Variants in DDHD2 observed in about 807,000 individuals in gnomAD.
The protein encoded by DDHD2 is triacylglycerol hydrolase DDHD2.
A neutral mutation model predicts 91.2 loss-of-function variants in DDHD2; 62 were observed. The ratio of observed to expected loss-of-function variants is 0.68; its 90% CI spans 0.55 to 0.84. The LOEUF (loss-of-function observed/expected upper bound fraction) is 0.84, where lower values mean the gene tolerates loss of function less well. DDHD2 is among the 40% of genes least tolerant of loss of function. The pLI is 0.00. For synonymous variants in DDHD2, 271 were observed against 293.9 expected (o/e 0.92, Z 0.80); for missense variants, 740 against 846.9 (o/e 0.87, Z 1.57).
At chr8:38,255,278 C>A in intron 16 of DDHD2, 1 of 426,622 alleles carries the variant, frequency 2.3e-6, no homozygotes, top group Non-Finnish European at 4.5e-6. Flanking sequence ...TCATCTGATG[C>A]AATCACTATC....
At position 38,260,946 on chromosome 8, in the gene DDHD2, T is replaced by G. The variant is rs931929456; in HGVS notation, c.*373T>G. The G allele has an allele frequency of 6.6e-6, 1 of 152,220 alleles. No homozygotes were observed. The highest frequency in any genetic ancestry group is 1.5e-5 in the Non-Finnish European group (1 of 68,040). The allele number at this position is 152,220 out of a possible 1,614,324, so 9.4% of individuals were successfully genotyped here. On this transcript the variant is annotated 3_prime_UTR_variant, in exon 18 of 18. Transcript: ENST00000397166. ...GTTTTGGGTGGGGTAGACATGTTTT[T>G]AAGGAACTTATTGCTTATCTTTAGA...
At chr8:38,243,949 A>G (rs1805433837) in intron 7 of DDHD2, among the ~76,000 whole-genome samples, 1 of 151,216 alleles carries the variant, frequency 6.6e-6, no homozygotes, top group Admixed American at 6.6e-5. Context: ...GATTACAGGC[A>G]TGCGCCACCA....
chr8:38,256,244 A>T (rs1449898053), intron 16 of DDHD2, among the ~76,000 whole-genome samples: 1 of 152,104 alleles, frequency 6.6e-6, no homozygotes, highest in Non-Finnish European at 1.5e-5. Context: ...TAGTTTGCTT[A>T]TGACTTGTAT....
At chr8:38,247,669 C>A in intron 9 of DDHD2, 44 bp from the exon 10 acceptor site, 1 of 1,304,994 alleles carries the variant, frequency 7.7e-7, no homozygotes, top group Non-Finnish European at 1.0e-6. Flanking sequence ...TTAAAGGAAA[C>A]TAAATGAATT....
chr8:38,267,296 C>G (rs1330506362), downstream of DDHD2: 1 of 1,613,884 alleles, frequency 6.2e-7, no homozygotes, highest in African/African-American at 1.3e-5. Context: ...GAAGCTCTTT[C>G]GGCCCTCATT....
At chr8:38,264,640 T>C, downstream of DDHD2, 1 of 1,549,944 alleles carries the variant, frequency 6.5e-7, no homozygotes, top group Admixed American at 2.0e-5. Context: ...CTCTTAATAT[T>C]AGGCTCCTAA....
downstream of DDHD2, chr8:38,264,209 G>A (rs535961997): frequency 4.7e-4 from 439 of 928,114 alleles, 2 homozygotes; most frequent in Middle Eastern, 1.3e-3. Flanking sequence ...GTGCAGTGGT[G>A]CGATCTCGGC....
intron 1 of DDHD2, chr8:38,270,542 TA>T (rs1452789011): frequency 6.6e-6 from 1 of 152,198 alleles, no homozygotes; most frequent in African/African-American, 2.4e-5. Flanking sequence ...ACAAATGAGA[TA>T]AAATAATGAC....
At chr8:38,271,538 T>C (rs1345280904), downstream of DDHD2, 1 of 152,182 alleles carries the variant, frequency 6.6e-6, no homozygotes, top group African/African-American at 2.4e-5. Context: ...GCTGTCTAAT[T>C]ATAGTATTCC....
chr8:38,268,612 G>A, intron 1 of DDHD2: 1 of 1,446,430 alleles, frequency 6.9e-7, no homozygotes, highest in South Asian at 1.5e-5. Flanking sequence ...CGCCACCAGT[G>A]AACAGCAGCG....
intron 10 of DDHD2, among the ~76,000 whole-genome samples, chr8:38,249,279 A>AT (rs974026221): frequency 3.3e-5 from 5 of 150,218 alleles, no homozygotes; most frequent in African/African-American, 4.9e-5. Context: ...CGCCTGGCTA[A>AT]TTTTTTTTGT....
Position 38,254,494 on chromosome 8 carries a change from C to G in DDHD2, c.2054+776C>G, listed in dbSNP as rs550255999. Among the ~76,000 whole-genome samples the G allele has an allele frequency of 3.3e-5, 5 of 152,058 alleles. No individual in the cohort carries two copies. The East Asian group carries it at 5.8e-4, about 18-fold the overall frequency. Reference sequence around the variant, plus strand: ...CTCCTGGACTCAAGTGATCCTCCCCCCTCAGTCTCCCTAATAAGTAGGATG... The same window carrying G: ...CTCCTGGACTCAAGTGATCCTCCCCGCTCAGTCTCCCTAATAAGTAGGATG... On this transcript the variant is annotated intron_variant, in intron 16 of 17. Coordinates refer to ENST00000397166, the MANE Select transcript of DDHD2 (RefSeq NM_015214.3).
At chr8:38,236,444 TCC>T (rs1804759665) in intron 3 of DDHD2, among the ~76,000 whole-genome samples, 3 of 151,954 alleles carry the variant, frequency 2.0e-5, no homozygotes, top group Non-Finnish European at 4.4e-5. Flanking sequence ...AACCTCTGCA[TCC>T]TGGGTTCAAG....
intron 6 of DDHD2, among the ~76,000 whole-genome samples, chr8:38,240,987 C>A (rs920364894): frequency 1.3e-5 from 2 of 150,186 alleles, no homozygotes; most frequent in Non-Finnish European, 3.0e-5. Flanking sequence ...AAGAGAATCA[C>A]TTAAACTCGG....
Position 38,267,969 on chromosome 8 carries a change from C to G in DDHD2, n.88-3153C>G, listed in dbSNP as rs758822456. The G allele has an allele frequency of 3.1e-6, 5 of 1,613,938 alleles. No homozygotes were observed. The East Asian group carries it at 6.7e-5, about 22-fold the overall frequency. The stretch of plus-strand genomic sequence containing the variant: ...CAGGGCAAGGCTGGCAGCTGCAAAG[C>G]AAAGCCATTAGTTGAAAGGATCTGT... On this transcript the variant is annotated intron_variant and non_coding_transcript_variant, in intron 1 of 1. Transcript: ENST00000526071.
In DDHD2 at chr8:38,233,038, A is replaced by G. The variant is rs775728459; in HGVS notation, c.44A>G (p.Asp15Gly). The change falls in exon 2 of 18, where the codon GAT becomes GGT. Residue 15 changes from aspartate to glycine, a missense_variant. By Grantham distance (94) the Asp-to-Gly change is moderately conservative (BLOSUM62 -1). This residue lies in a region of DDHD2 where 693 missense variants were observed against 764.2 expected (regional missense o/e 0.91). Coordinates refer to ENST00000397166, the MANE Select transcript of DDHD2 (RefSeq NM_015214.3). ...CAACAGGAGCAGTTGTCCCAGTCAG[A>G]TCCATCTCCGTCACCAAACTCATGT... ...QSQQEQLSQS[D>G]PSPSPNSCSS... is the part of the protein sequence containing the mutation. 1 of 1,614,214 alleles carries G rather than the reference A, an allele frequency of 6.2e-7. No homozygotes were observed. Among genetic ancestry groups the G allele is most frequent in the East Asian group, 2.2e-5 (1 of 44,876 alleles).
In DDHD2 at chr8:38,256,402, A is replaced by G; in HGVS notation, c.2054+2684A>G. ...ACTGTTGCCTAGATCTCTGGGCTCA[A>G]GGGATCCTCTTAGGCTCAAGGGATC... is the stretch of plus-strand genomic sequence containing the variant. On this transcript the variant is annotated intron_variant, in intron 16 of 17. Coordinates refer to ENST00000397166, the MANE Select transcript of DDHD2 (RefSeq NM_015214.3). 2.0e-5 allele frequency among the ~76,000 whole-genome samples: 3 copies of G among 152,156 alleles called. No individual in the cohort carries two copies. The South Asian group carries it at 6.2e-4, about 32-fold the overall frequency.
At chr8:38,245,626 T>G (rs1040450615) in intron 7 of DDHD2, 116 bp from the exon 8 acceptor site, 1 of 967,724 alleles carries the variant, frequency 1.0e-6, no homozygotes, top group Non-Finnish European at 1.6e-6. Flanking sequence ...CTTTTTGTTT[T>G]TTCCTATAAA....
chr8:38,238,408 G>T, intron 5 of DDHD2, 199 bp downstream of exon 5: 1 of 1,319,504 alleles, frequency 7.6e-7, no homozygotes, highest in South Asian at 1.6e-5. Flanking sequence ...AAAACATATG[G>T]TAGGATGGGT....
Sources: gnomAD v4.1 joint callset for allele counts (sites outside exome capture counted in the v4.1 genomes callset) on GRCh38, gnomAD v4.1.1 for gene constraint, gnomAD v4.1.1 regional missense constraint, MANE v1.5 for transcripts, NCBI Gene and HGNC (gene_info 2026-07-23, HGNC 2026-07-21) for gene names.